Variants in MROH1 observed in about 807,000 individuals in gnomAD.
MROH1 encodes maestro heat like repeat family member 1.
MROH1 carries 117 observed loss-of-function variants against 116.5 expected under a neutral mutation model. The ratio of observed to expected loss-of-function variants is 1.00; its 90% CI spans 0.86 to 1.17. The LOEUF is 1.17. Ranked by LOEUF, MROH1 falls within the 50% of genes most tolerant of loss-of-function variation. The pLI is 0.00. For synonymous variants in MROH1, 921 were observed against 583.9 expected (o/e 1.58, Z -8.32); for missense variants, 1,873 against 1,338.5 (o/e 1.40, Z -6.23).
At chr8:144,177,920 T>C (rs1824436316) in intron 4 of MROH1, among the ~76,000 whole-genome samples, 1 of 151,984 alleles carries the variant, frequency 6.6e-6, no homozygotes, top group Non-Finnish European at 1.5e-5. Context: ...TTGAGCTAAT[T>C]AGACCTTTTT....
chr8:144,172,970 A>G (rs1445653992), intron 4 of MROH1, among the ~76,000 whole-genome samples: 1 of 151,932 alleles, frequency 6.6e-6, no homozygotes, highest in African/African-American at 2.4e-5. Flanking sequence ...GGTATTTTAG[A>G]GTTTAGCTTT....
At chr8:144,256,858 G>A (rs1843929370) in intron 35 of MROH1, among the ~76,000 whole-genome samples, 1 of 152,236 alleles carries the variant, frequency 6.6e-6, no homozygotes, top group African/African-American at 2.4e-5. Flanking sequence ...GAGTTGCTGT[G>A]CCTGCGCCAT....
intron 4 of MROH1, among the ~76,000 whole-genome samples, chr8:144,178,029 G>A (rs376826333): frequency 6.7e-6 from 1 of 149,062 alleles, no homozygotes; most frequent in African/African-American, 2.5e-5. Flanking sequence ...GTGTGATCTC[G>A]GCTCACTGCA....
chr8:144,250,035 C>T (rs1351859708), intron 32 of MROH1, among the ~76,000 whole-genome samples, 177 bp from the exon 33 acceptor site: 4 of 152,218 alleles, frequency 2.6e-5, no homozygotes, highest in Non-Finnish European at 5.9e-5. Context: ...AGTTCCTTGG[C>T]TTCTGGGCTG....
intron 7 of MROH1, among the ~76,000 whole-genome samples, chr8:144,186,774 C>T (rs151069571): frequency 6.6e-6 from 1 of 152,198 alleles, no homozygotes; most frequent in Non-Finnish European, 1.5e-5. Context: ...ACCACATGGC[C>T]ACTGCCCTTG....
Position 144,247,565 on chromosome 8 carries a change from A to G in MROH1, c.3008-2A>G. ...CGACTGCTCATTCCTGCCGCCTCTCAGGCTTCTCCCGGGACTACCGCGATG... is the reference window on the plus strand; with the variant it reads ...CGACTGCTCATTCCTGCCGCCTCTCGGGCTTCTCCCGGGACTACCGCGATG... On this transcript the variant is annotated splice_acceptor_variant, in intron 30 of 43. Coordinates refer to ENST00000326134, the MANE Select transcript of MROH1 (RefSeq NM_032450.3). LOFTEE classifies it high-confidence loss of function. The G allele has an allele frequency of 6.5e-6, 5 of 773,986 alleles. No individual in the cohort carries two copies. The highest frequency in any genetic ancestry group is 5.4e-5 in the South Asian group (4 of 73,684). 47.9% of individuals were successfully genotyped at this position (773,986 alleles called of 1,614,324 possible).
At chr8:144,175,277 C>T in intron 4 of MROH1, 1 of 577,318 alleles carries the variant, frequency 1.7e-6, no homozygotes, top group Non-Finnish European at 2.2e-6. Context: ...CCCTGCTGCA[C>T]CCAAGCTGCC....
chr8:144,178,846 G>A (rs956308016), intron 4 of MROH1, among the ~76,000 whole-genome samples: 5 of 152,188 alleles, frequency 3.3e-5, no homozygotes, highest in African/African-American at 7.2e-5. Context: ...CCCAGTTGAG[G>A]CAAGGACAGT....
intron 4 of MROH1, among the ~76,000 whole-genome samples, chr8:144,173,118 T>TC (rs1822913896): frequency 2.0e-5 from 3 of 147,118 alleles, no homozygotes; most frequent in East Asian, 1.9e-4. Flanking sequence ...TTTTTTTTTT[T>TC]CCTGAGGCAG....
intron 10 of MROH1, among the ~76,000 whole-genome samples, chr8:144,193,967 A>G (rs914510380): frequency 6.6e-6 from 1 of 152,178 alleles, no homozygotes; most frequent in Non-Finnish European, 1.5e-5. Flanking sequence ...CGCAAGGCCT[A>G]TCCAGCATGC....
At chr8:144,166,457 C>T (rs754691358) in intron 3 of MROH1, among the ~76,000 whole-genome samples, 3 of 152,318 alleles carry the variant, frequency 2.0e-5, no homozygotes, top group Non-Finnish European at 2.9e-5. Context: ...GGGCTGCCCC[C>T]GCGTCCCCAG....
At chr8:144,178,374 C>T (rs914541410) in intron 4 of MROH1, among the ~76,000 whole-genome samples, 9 of 152,000 alleles carry the variant, frequency 5.9e-5, no homozygotes, top group South Asian at 2.1e-4. Flanking sequence ...TCAGGTGATC[C>T]GCCCGCCTCA....
At position 144,250,294 on chromosome 8, in the gene MROH1, T is replaced by C. The variant is rs1842641189; in HGVS notation, c.3356T>C (p.Val1119Ala). ...GTCCTGCCGGCCGCCCAGCACAGCG[T>C]GTACCTCCTGGCCACCCAGCACTGC... is the stretch of plus-strand genomic sequence containing the variant. ...EHVLPAAQHS[V>A]YLLATQHCAA... Residue 1119 changes from valine to alanine, a missense_variant, in exon 33 of 44, where the codon GTG becomes GCG. Coordinates refer to ENST00000326134, the MANE Select transcript of MROH1 (RefSeq NM_032450.3). The C allele has an allele frequency of 2.6e-6, 2 of 767,762 alleles. No individual in the cohort carries two copies. The highest frequency in any genetic ancestry group is 1.7e-5 in the African/African-American group (1 of 59,128). 47.6% of individuals were successfully genotyped at this position (767,762 alleles called of 1,614,324 possible). A position where few individuals can be genotyped will look rare whatever the true frequency, so the allele number is the denominator to read the frequency against.
Position 144,249,105 on chromosome 8 carries a change from T to G in MROH1, c.3273+76T>G, listed in dbSNP as rs1233696083. 4.3e-6 allele frequency: 3 copies of G among 700,898 alleles called. No homozygotes were observed. In the African/African-American group the frequency reaches 5.3e-5, roughly 12 times the overall value. 43.4% of individuals were successfully genotyped at this position (700,898 alleles called of 1,614,324 possible). On this transcript the variant is annotated intron_variant, in intron 32 of 43. Transcript: ENST00000326134. ...CGCGGTGGGACGGGCAGGGCAGGAGTGGGGTAGTGGCTCTTGGAGAGGTGG... is the reference window on the plus strand; with the variant it reads ...CGCGGTGGGACGGGCAGGGCAGGAGGGGGGTAGTGGCTCTTGGAGAGGTGG...
intron 12 of MROH1, among the ~76,000 whole-genome samples, chr8:144,211,919 G>A (rs570670688): frequency 4.6e-5 from 7 of 152,134 alleles, no homozygotes; most frequent in African/African-American, 4.8e-5. Context: ...TTTGGCAAGC[G>A]GCAGCCTCTT....
chr8:144,256,177 G>C (rs1198084089), intron 35 of MROH1, among the ~76,000 whole-genome samples: 1 of 152,144 alleles, frequency 6.6e-6, no homozygotes, highest in Non-Finnish European at 1.5e-5. Context: ...AAGCATTCCA[G>C]GTCCTACACA....
intron 12 of MROH1, chr8:144,201,178 T>TC (rs1831048389): frequency 6.6e-6 from 1 of 151,796 alleles, no homozygotes; most frequent in Non-Finnish European, 1.5e-5. Flanking sequence ...AGCCTCAGCC[T>TC]CCCGAGTAGC....
intron 12 of MROH1, among the ~76,000 whole-genome samples, chr8:144,219,596 C>T (rs769321535): frequency 6.6e-6 from 1 of 152,186 alleles, no homozygotes; most frequent in Non-Finnish European, 1.5e-5. Context: ...CTATGGCACA[C>T]GTCTGTTTCA....
chr8:144,190,905 C>T lies in MROH1; in HGVS notation c.684C>T (p.Phe228=), dbSNP rs1564436223. 2.5e-6 allele frequency: 4 copies of T among 1,613,676 alleles called. No individual in the cohort carries two copies. The highest frequency in any genetic ancestry group is 2.5e-6 in the Non-Finnish European group (3 of 1,179,880). ...TDIFSAYDVL[F]HQWLQSREAK... is the part of the protein sequence containing the mutation. Reference sequence around the variant, plus strand: ...TCTTCAGCGCCTACGATGTTCTCTTCCATCAGTGGCTGCAGAGTCGAGAAG... The same window carrying T: ...TCTTCAGCGCCTACGATGTTCTCTTTCATCAGTGGCTGCAGAGTCGAGAAG... Residue 228 remains phenylalanine (F), a synonymous_variant, in exon 8 of 44, where the codon TTC becomes TTT. Transcript: ENST00000326134.
Sources: allele counts gnomAD v4.1 joint callset (sites outside exome capture counted in the v4.1 genomes callset), GRCh38; gene constraint gnomAD v4.1.1; transcripts MANE v1.5; gene names NCBI Gene and HGNC (gene_info 2026-07-23, HGNC 2026-07-21).